Variants in ZFHX4 observed in about 807,000 individuals in gnomAD.
ZFHX4 encodes the protein zinc finger homeobox protein 4.
In ZFHX4, 56 loss-of-function variants were observed where a neutral mutation model predicts 267.6. The observed-to-expected ratio is 0.21, with a 90% CI of 0.17 to 0.26. The LOEUF is 0.26. Ranked by LOEUF, ZFHX4 falls within the 10% of genes least tolerant of loss-of-function variation. The pLI is 1.00. For synonymous variants in ZFHX4, 1,778 were observed against 1,665.6 expected (o/e 1.07, Z -1.64); for missense variants, 4,332 against 4,420.0 (o/e 0.98, Z 0.56).
intron 4 of ZFHX4, among the ~76,000 whole-genome samples, chr8:76,817,594 C>A (rs1811539632): frequency 6.6e-6 from 1 of 152,160 alleles, no homozygotes; most frequent in Non-Finnish European, 1.5e-5. Context: ...ATGCATACAA[C>A]TTGCACATTC....
intron 1 of ZFHX4, among the ~76,000 whole-genome samples, chr8:76,688,894 T>G (rs1053415501): frequency 3.9e-5 from 6 of 152,110 alleles, no homozygotes; most frequent in Non-Finnish European, 5.9e-5. Flanking sequence ...CCTCATCACT[T>G]TAGCAGTTTT....
intron 4 of ZFHX4, among the ~76,000 whole-genome samples, chr8:76,789,257 G>C (rs1006696882): frequency 6.6e-6 from 1 of 152,026 alleles, no homozygotes; most frequent in Admixed American, 6.5e-5. Context: ...CAAACATTTT[G>C]GCTAAATTCT....
intron 3 of ZFHX4, among the ~76,000 whole-genome samples, chr8:76,712,621 G>T (rs776410966): frequency 8.5e-5 from 13 of 152,086 alleles, no homozygotes; most frequent in Non-Finnish European, 1.3e-4. Context: ...AAAAAAAATT[G>T]GAATATGTGT....
intron 3 of ZFHX4, among the ~76,000 whole-genome samples, chr8:76,765,306 T>C (rs1810023466): frequency 6.6e-6 from 1 of 152,174 alleles, no homozygotes; most frequent in African/African-American, 2.4e-5. Flanking sequence ...AAAATCATCG[T>C]AAATGTTAAC....
At chr8:76,829,926 G>A (rs1300705384) in intron 4 of ZFHX4, among the ~76,000 whole-genome samples, 2 of 152,090 alleles carry the variant, frequency 1.3e-5, no homozygotes, top group Non-Finnish European at 2.9e-5. Context: ...GCCTGAACGA[G>A]AATGACAAAA....
rs1586013802 is a variant in ZFHX4, at chr8:76,853,693, C to G, written c.6772C>G (p.Gln2258Glu). 3 of 1,613,656 alleles carry G rather than the reference C, an allele frequency of 1.9e-6. No individual in the cohort carries two copies. The highest frequency in any genetic ancestry group is 2.5e-6 in the Non-Finnish European group (3 of 1,179,774). Residue 2258 changes from glutamine to glutamate, a missense_variant, in exon 10 of 11, where the codon CAA (glutamine) becomes GAA (glutamate). By Grantham distance (29) the Gln-to-Glu change is conservative. This residue lies in a region of ZFHX4 where 62 missense variants were observed against 69.8 expected (regional missense o/e 0.89). Coordinates refer to ENST00000651372, the MANE Select transcript of ZFHX4 (RefSeq NM_024721.5). ...NAYPKDDEIE[Q>E]LSTVLNLPTR... The stretch of plus-strand genomic sequence containing the variant: ...TTACCCAAAAGATGATGAAATAGAA[C>G]AACTCTCCACTGTTCTCAATCTGCC...
chr8:76,723,958 G>GAAAAC (rs1808789675), intron 3 of ZFHX4, among the ~76,000 whole-genome samples: 1 of 142,274 alleles, frequency 7.0e-6, no homozygotes, highest in Non-Finnish European at 1.5e-5. Context: ...ATCAGGTATA[G>GAAAAC]AAAACAAAAC....
At chr8:76,681,854 T>G (rs1248401810) in intron 1 of ZFHX4, among the ~76,000 whole-genome samples, 1 of 152,098 alleles carries the variant, frequency 6.6e-6, no homozygotes, top group Non-Finnish European at 1.5e-5. Context: ...TTCCCCTTTT[T>G]TTTGGCTCAA....
intron 4 of ZFHX4, among the ~76,000 whole-genome samples, chr8:76,827,341 C>G (rs1168040887): frequency 6.6e-6 from 1 of 152,168 alleles, no homozygotes; most frequent in South Asian, 2.1e-4. Flanking sequence ...GGCTTGCTTG[C>G]AGGAGCTCAC....
chr8:76,863,189 C>T lies in ZFHX4; in HGVS notation c.9475C>T (p.Leu3159=). Residue 3159 remains leucine, a synonymous_variant, in exon 11 of 11, where the codon CTG becomes TTG. Coordinates refer to ENST00000651372, the MANE Select transcript of ZFHX4 (RefSeq NM_024721.5). ...CAGCAGTGCCCCCACCAAACCTTTG[C>T]TGCAGACTCCACCACCTCCACCACC... The part of the protein sequence containing the change: ...SLSSAPTKPL[L]QTPPPPPPPP... 2 of 1,560,940 alleles carry T rather than the reference C, an allele frequency of 1.3e-6. No homozygotes were observed. The highest frequency in any genetic ancestry group is 1.7e-6 in the Non-Finnish European group (2 of 1,152,082).
chr8:76,815,524 C>G (rs1405920236), intron 4 of ZFHX4, among the ~76,000 whole-genome samples: 2 of 151,976 alleles, frequency 1.3e-5, no homozygotes. Context: ...ATTTTTGAGA[C>G]AAGGTCTTGC....
intron 6 of ZFHX4, among the ~76,000 whole-genome samples, chr8:76,848,689 C>T (rs1812425658): frequency 6.6e-6 from 1 of 152,084 alleles, no homozygotes; most frequent in South Asian, 2.1e-4. Flanking sequence ...AGTAGATTTG[C>T]TTTAATGTGG....
At position 76,856,380 on chromosome 8, in the gene ZFHX4, C is replaced by T. The variant is rs1017146447; in HGVS notation, c.9379+80C>T. ...GTCACATGTAACCAAGAACGGGGTG[C>T]CTTTGGATTTCTTTTAATTTCAGCT... On this transcript the variant is annotated intron_variant, in intron 10 of 10. Transcript: ENST00000651372. 9.3e-6 allele frequency: 14 copies of T among 1,501,590 alleles called. No homozygotes were observed. In the South Asian group the frequency reaches 9.4e-5, roughly 10 times the overall value. 93.0% of individuals were successfully genotyped at this position (1,501,590 alleles called of 1,614,324 possible). A position where few individuals can be genotyped will look rare whatever the true frequency, so the allele number is the denominator to read the frequency against.
chr8:76,746,098 A>G (rs888918504), intron 3 of ZFHX4, among the ~76,000 whole-genome samples: 1 of 152,228 alleles, frequency 6.6e-6, no homozygotes, highest in Non-Finnish European at 1.5e-5. Flanking sequence ...TATTTGGTGT[A>G]TAAATTGCTT....
intron 3 of ZFHX4, among the ~76,000 whole-genome samples, chr8:76,731,391 AG>A (rs1809006943): frequency 6.6e-6 from 1 of 152,178 alleles, no homozygotes; most frequent in African/African-American, 2.4e-5. Context: ...GATGGGGAGA[AG>A]GGAGAGAAGC....
chr8:76,720,154 G>A (rs754450780), intron 3 of ZFHX4, among the ~76,000 whole-genome samples: 5 of 152,020 alleles, frequency 3.3e-5, no homozygotes, highest in Non-Finnish European at 7.4e-5. Context: ...TACTGTTTCA[G>A]CTTCCCACCC....
At chr8:76,686,369 A>G (rs1807692938) in intron 1 of ZFHX4, among the ~76,000 whole-genome samples, 1 of 152,214 alleles carries the variant, frequency 6.6e-6, no homozygotes, top group African/African-American at 2.4e-5. Flanking sequence ...CATTAAAATA[A>G]TATATGATTT....
intron 5 of ZFHX4, among the ~76,000 whole-genome samples, chr8:76,840,965 C>T (rs747373103): frequency 1.3e-5 from 2 of 152,150 alleles, no homozygotes; most frequent in Non-Finnish European, 2.9e-5. Flanking sequence ...AGCAGGCTAG[C>T]GCCAGAAGAG....
intron 4 of ZFHX4, among the ~76,000 whole-genome samples, chr8:76,808,047 AACACAT>A (rs1373006433): frequency 1.3e-5 from 2 of 152,130 alleles, no homozygotes; most frequent in Non-Finnish European, 2.9e-5. Flanking sequence ...TATGGCCTTA[AACACAT>A]ATATACAGTA....
Sources: gnomAD v4.1 joint callset for allele counts (sites outside exome capture counted in the v4.1 genomes callset) on GRCh38, gnomAD v4.1.1 for gene constraint, gnomAD v4.1.1 regional missense constraint, MANE v1.5 for transcripts, NCBI Gene and HGNC (gene_info 2026-07-23, HGNC 2026-07-21) for gene names.